MYH15: variants seen among roughly 807,000 people sequenced by gnomAD.
MYH15 encodes myosin heavy chain 15.
Under a neutral mutation model 240.5 loss-of-function variants are expected in MYH15, and 227 were observed. The observed-to-expected ratio is 0.94, with a 90% CI of 0.85 to 1.05. The LOEUF is 1.05. Ranked by LOEUF, MYH15 falls within the 50% of genes least tolerant of loss-of-function variation. The probability of loss-of-function intolerance (pLI) is 0.00; values close to 1 mark genes in which losing one functional copy is unlikely to be tolerated. For synonymous variants in MYH15, 785 were observed against 796.7 expected (o/e 0.99, Z 0.25); for missense variants, 2,217 against 2,247.5 (o/e 0.99, Z 0.27).
At chr3:108,439,610 A>G in intron 24 of MYH15, 127 bp downstream of exon 24, 1 of 842,066 alleles carries the variant, frequency 1.2e-6, no homozygotes, top group Admixed American at 2.8e-5. Context: ...TTTATTCTCA[A>G]TAATCAGGAA....
Position 108,441,257 on chromosome 3 carries a change from G to T in MYH15, c.2659C>A (p.Gln887Lys). ...NDLILQLQAE[Q>K]ETLANVEEQC... ...TCTTCAACATTTGCCAGTGTCTCTT[G>T]CTCCTGCCATGATGAGGAGAAAATT... The change falls in exon 23 of 41, where the codon CAA becomes AAA. Residue 887 changes from glutamine to lysine, a missense_variant. Transcript: ENST00000693548. 6.2e-6 allele frequency: 10 copies of T among 1,613,814 alleles called. No individual in the cohort carries two copies. The highest frequency in any genetic ancestry group is 8.5e-6 in the Non-Finnish European group (10 of 1,179,824).
intron 16 of MYH15, 67 bp downstream of exon 16, chr3:108,463,044 G>T: frequency 6.6e-7 from 1 of 1,521,394 alleles, no homozygotes; most frequent in Admixed American, 2.2e-5. Context: ...AAGAATTTTT[G>T]CAAAAGCTGA....
Position 108,432,692 on chromosome 3 carries a change from G to A in MYH15, c.3222-1770C>T, listed in dbSNP as rs1166603081. The stretch of plus-strand genomic sequence containing the variant: ...CCAGCTGCTCCAGCCATGGCTGAAA[G>A]GGGTCAACATAGAGCTTGGGTCATG... On this transcript the variant is annotated intron_variant, in intron 25 of 40. Coordinates refer to ENST00000693548, the MANE Select transcript of MYH15 (RefSeq NM_014981.3). Among the ~76,000 whole-genome samples the A allele has an allele frequency of 2.0e-5, 3 of 152,184 alleles. No individual in the cohort carries two copies. In the East Asian group the frequency reaches 5.8e-4, roughly 29 times the overall value.
At position 108,470,706 on chromosome 3, in the gene MYH15, T is replaced by C. The variant is rs200023296; in HGVS notation, c.1375A>G (p.Ile459Val). Reference protein sequence around the residue: ...IGILDITGFEILEYNSLEQLC... With the variant: ...IGILDITGFEVLEYNSLEQLC... ...TTACCAGATACACTTACCTCAAGGA[T>C]TTCAAAACCAGTGATGTCAAGAATG... The change falls in exon 13 of 41, where the codon ATC becomes GTC. Residue 459 changes from isoleucine to valine, a missense_variant. Coordinates refer to ENST00000693548, the MANE Select transcript of MYH15 (RefSeq NM_014981.3). 621 of 1,613,660 alleles carry C rather than the reference T, an allele frequency of 3.8e-4. 1 individual carries two copies. Among genetic ancestry groups the C allele is most frequent in the Admixed American group, 5.3e-4 (32 of 59,974 alleles).
intron 21 of MYH15, among the ~76,000 whole-genome samples, chr3:108,449,512 G>A (rs974262426): frequency 6.6e-6 from 1 of 151,948 alleles, no homozygotes; most frequent in African/African-American, 2.4e-5. Flanking sequence ...AATAAATGGG[G>A]TTAGTAAATT....
At chr3:108,430,538 G>A (rs745650730) in intron 26 of MYH15, among the ~76,000 whole-genome samples, 7 of 152,178 alleles carry the variant, frequency 4.6e-5, no homozygotes, top group Non-Finnish European at 8.8e-5. Context: ...GAGCTCAATC[G>A]TTGCCAGAAG....
chr3:108,439,790 TCTC>T lies in MYH15; in HGVS notation c.3019_3021del (p.Glu1007del). 1.2e-6 allele frequency: 2 copies of T among 1,612,786 alleles called. No homozygotes were observed. Among genetic ancestry groups the T allele is most frequent in the Admixed American group, 1.7e-5 (1 of 59,726 alleles). ...TTTGCTTTGCTCAGGCTGCTGAGCT[TCTC>T]CTCCTCCATGTGCAGGTCATCCAGG... On this transcript the variant is annotated inframe_deletion, in exon 24 of 41. Coordinates refer to ENST00000693548, the MANE Select transcript of MYH15 (RefSeq NM_014981.3).
At chr3:108,399,967 A>C (rs6762197) in intron 33 of MYH15, among the ~76,000 whole-genome samples, 48,471 of 152,174 alleles carry the variant, frequency 0.32, 8,351 homozygotes, top group African/African-American at 0.43. Context: ...ATAAAAAATA[A>C]AAAATTGGGA....
intron 12 of MYH15, among the ~76,000 whole-genome samples, chr3:108,475,036 A>G (rs1454015148): frequency 6.6e-6 from 1 of 152,196 alleles, no homozygotes; most frequent in Non-Finnish European, 1.5e-5. Flanking sequence ...AAGCTAAATT[A>G]ATAAATTGAT....
chr3:108,439,738 T>G lies in MYH15; in HGVS notation c.3074A>C (p.Glu1025Ala). 1 of 1,598,544 alleles carries G rather than the reference T, an allele frequency of 6.3e-7. No individual in the cohort carries two copies. The highest frequency in any genetic ancestry group is 8.5e-7 in the Non-Finnish European group (1 of 1,173,016). ...ANLKLEQQVDELEGALEQERK... is the reference protein window; with the variant it reads ...ANLKLEQQVDALEGALEQERK... ...CTAACCAGATACACCGTTACTGACCTCATCAACTTGCTGTTCCAGCTTCAG... is the reference window on the plus strand; with the variant it reads ...CTAACCAGATACACCGTTACTGACCGCATCAACTTGCTGTTCCAGCTTCAG... Residue 1025 changes from glutamate to alanine, a missense_variant and splice_region_variant, in exon 24 of 41, where the codon GAG becomes GCG. Physicochemically the swap from Glu to Ala is moderately radical, Grantham distance 107. Transcript: ENST00000693548.
chr3:108,483,304 A>G (rs1374224955), intron 11 of MYH15, among the ~76,000 whole-genome samples: 1 of 152,056 alleles, frequency 6.6e-6, no homozygotes, highest in Non-Finnish European at 1.5e-5. Flanking sequence ...CTCAAAAGAT[A>G]TACAAATGGC....
chr3:108,451,246 G>A (rs75964187), intron 21 of MYH15, among the ~76,000 whole-genome samples: 12,233 of 152,132 alleles, frequency 0.08, 1,266 homozygotes, highest in East Asian at 0.53. Flanking sequence ...CAGGTGTGGA[G>A]GCACACGCCT....
chr3:108,446,162 A>C (rs552811542), intron 21 of MYH15, among the ~76,000 whole-genome samples: 1 of 152,208 alleles, frequency 6.6e-6, no homozygotes, highest in Middle Eastern at 3.4e-3. Context: ...CCCAGTCAAC[A>C]AGGGTGTTCC....
upstream of MYH15, among the ~76,000 whole-genome samples, chr3:108,513,976 G>A (rs1259935332): frequency 1.3e-5 from 2 of 152,152 alleles, no homozygotes; most frequent in African/African-American, 2.4e-5. Flanking sequence ...TGTTTATATT[G>A]ATACGGCACA....
At chr3:108,542,624 G>C in the MYH15 span, among the ~76,000 whole-genome samples, 4 of 152,064 alleles carry the variant, frequency 2.6e-5, no homozygotes, top group Admixed American at 2.6e-4. Flanking sequence ...ATGTCACATG[G>C]TGTGCTGCAC....
chr3:108,510,198 T>C (rs1183849399), intron 1 of MYH15, among the ~76,000 whole-genome samples: 1 of 152,088 alleles, frequency 6.6e-6, no homozygotes, highest in East Asian at 1.9e-4. Flanking sequence ...AAATCTGTCT[T>C]AGGATCAAGT....
intron 12 of MYH15, among the ~76,000 whole-genome samples, chr3:108,475,965 C>T (rs1234192086): frequency 6.6e-6 from 1 of 152,162 alleles, no homozygotes; most frequent in African/African-American, 2.4e-5. Flanking sequence ...TGATTTTTAG[C>T]ATATGTCCTA....
At chr3:108,456,952 A>T in intron 18 of MYH15, 69 bp from the exon 19 acceptor site, 1 of 1,120,292 alleles carries the variant, frequency 8.9e-7, no homozygotes, top group South Asian at 1.3e-5. Flanking sequence ...TTTTGAACCA[A>T]TTGCTGCATC....
At chr3:108,382,777 A>C (rs1315833338) in intron 40 of MYH15, among the ~76,000 whole-genome samples, 1 of 152,128 alleles carries the variant, frequency 6.6e-6, no homozygotes, top group Non-Finnish European at 1.5e-5. Context: ...AAAAAAAATA[A>C]TAATAATGAA....
Sources: allele counts gnomAD v4.1 joint callset (sites outside exome capture counted in the v4.1 genomes callset), GRCh38; gene constraint gnomAD v4.1.1; transcripts MANE v1.5; gene names NCBI Gene and HGNC (gene_info 2026-07-23, HGNC 2026-07-21).